ST3GAL2: variants seen among roughly 807,000 people sequenced by gnomAD.
The protein encoded by ST3GAL2 is ST3 beta-galactoside alpha-2,3-sialyltransferase 2.
ST3GAL2 carries 16 observed loss-of-function variants against 37.5 expected under a neutral mutation model. The ratio of observed to expected loss-of-function variants is 0.43; its 90% CI spans 0.29 to 0.65. ST3GAL2 has a LOEUF of 0.65. ST3GAL2 is among the 30% of genes least tolerant of loss of function. The probability of loss-of-function intolerance (pLI) is 0.17; values close to 1 mark genes in which losing one functional copy is unlikely to be tolerated. For synonymous variants in ST3GAL2, 238 were observed against 202.9 expected, an observed-to-expected ratio of 1.17 and a Z score of -1.47; for missense variants, 383 against 487.8, an observed-to-expected ratio of 0.79 and a Z score of 2.02.
Position 70,381,859 on chromosome 16 carries a change from T to A in ST3GAL2, c.883A>T (p.Asn295Tyr). 6.2e-7 allele frequency: 1 copy of A among 1,613,444 alleles called. No individual in the cohort carries two copies. Among genetic ancestry groups the A allele is most frequent in the Non-Finnish European group, 8.5e-7 (1 of 1,179,678 alleles). The change falls in exon 7 of 7, where the codon AAC becomes TAC. Residue 295 changes from asparagine to tyrosine, a missense_variant. Asn to Tyr is a moderately radical substitution (Grantham distance 143). This residue lies in a region of ST3GAL2 where 160 missense variants were observed against 248.6 expected (regional missense o/e 0.64). Transcript: ENST00000342907. ...FFALHVCDEV[N>Y]VYGFGADSRG... ...CTGTCGGCCCCGAACCCGTACACGTTCACCTGCGGGGAAGCGCAGCGGAGC... is the reference window on the plus strand; with the variant it reads ...CTGTCGGCCCCGAACCCGTACACGTACACCTGCGGGGAAGCGCAGCGGAGC...
In ST3GAL2 at chr16:70,395,077, G is replaced by A; in HGVS notation, c.438C>T (p.Pro146=). 6.2e-7 allele frequency: 1 copy of A among 1,613,990 alleles called. No homozygotes were observed. The change falls in exon 3 of 7, where the codon CCC becomes CCT. Residue 146 remains proline (P), a synonymous_variant. Transcript: ENST00000342907. ...PGENPYRFRD[P]HQCRRCAVVG... is the part of the protein sequence containing the mutation. ...CCACGGCACAGCGCCGGCACTGGTG[G>A]GGGTCCCGGAAGCGGTAGGGGTTCT...
chr16:70,384,355 G>C (rs1393915500), intron 4 of ST3GAL2, among the ~76,000 whole-genome samples: 1 of 152,136 alleles, frequency 6.6e-6, no homozygotes, highest in Admixed American at 6.6e-5. Context: ...GCTAAGTAAA[G>C]TAAGTCAGAC....
chr16:70,394,569 G>A (rs1395291580), intron 3 of ST3GAL2, among the ~76,000 whole-genome samples: 1 of 152,084 alleles, frequency 6.6e-6, no homozygotes, highest in Non-Finnish European at 1.5e-5. Context: ...GTAGACACAG[G>A]GTTTCGCCAT....
intron 4 of ST3GAL2, among the ~76,000 whole-genome samples, chr16:70,387,016 G>A (rs149012361): frequency 5.3e-5 from 8 of 152,050 alleles, no homozygotes; most frequent in South Asian, 2.1e-4. Context: ...CACTTCGGGA[G>A]GCCAAGGTGA....
intron 1 of ST3GAL2, among the ~76,000 whole-genome samples, chr16:70,423,367 G>T (rs1047904387): frequency 2.0e-5 from 3 of 152,138 alleles, no homozygotes; most frequent in Non-Finnish European, 2.9e-5. Flanking sequence ...AAAATTAGCT[G>T]GGCGTGGTGG....
intron 1 of ST3GAL2, among the ~76,000 whole-genome samples, chr16:70,423,577 C>G (rs2047730345): frequency 1.3e-5 from 2 of 152,274 alleles, no homozygotes; most frequent in South Asian, 4.1e-4. Flanking sequence ...TTCAGACAAC[C>G]TGGGTTCTTG....
intron 1 of ST3GAL2, among the ~76,000 whole-genome samples, chr16:70,433,454 T>C (rs1265678777): frequency 6.6e-6 from 1 of 152,164 alleles, no homozygotes; most frequent in Admixed American, 6.5e-5. Context: ...GTGTGTATTT[T>C]CTCTCCTTCT....
intron 1 of ST3GAL2, among the ~76,000 whole-genome samples, chr16:70,413,232 A>G (rs2047651332): frequency 6.7e-6 from 1 of 149,608 alleles, no homozygotes; most frequent in Non-Finnish European, 1.5e-5. Context: ...CCTGGGCAAC[A>G]AGAGTGAAAC....
At chr16:70,426,790 G>C (rs1451349272) in intron 1 of ST3GAL2, among the ~76,000 whole-genome samples, 1 of 152,166 alleles carries the variant, frequency 6.6e-6, no homozygotes, top group Non-Finnish European at 1.5e-5. Flanking sequence ...AATTATAGGC[G>C]TGAGCCACCG....
intron 1 of ST3GAL2, among the ~76,000 whole-genome samples, chr16:70,427,462 C>T (rs1429036714): frequency 6.6e-6 from 1 of 151,978 alleles, no homozygotes; most frequent in Non-Finnish European, 1.5e-5. Flanking sequence ...CCTCAGCCTC[C>T]CAAGTAGCTG....
intron 1 of ST3GAL2, among the ~76,000 whole-genome samples, chr16:70,430,087 G>C (rs539353925): frequency 6.6e-6 from 1 of 152,338 alleles, no homozygotes; most frequent in East Asian, 1.9e-4. Context: ...AAACAGACCT[G>C]CCCTGATGCT....
At position 70,382,020 on chromosome 16, in the gene ST3GAL2, A is replaced by G. The variant is rs576825923; in HGVS notation, c.880-158T>C. The stretch of plus-strand genomic sequence containing the variant: ...GGACATGGACTCACATGGGGACACC[A>G]CCTTCCCTTTGCAGCCCTTGCAAAT... On this transcript the variant is annotated intron_variant, in intron 6 of 6. Transcript: ENST00000342907. Among the ~76,000 whole-genome samples, 115 of 145,910 alleles carry G rather than the reference A, an allele frequency of 7.9e-4. No homozygotes were observed. In the South Asian group the frequency reaches 8.1e-3, roughly 10 times the overall value.
At chr16:70,412,027 C>T (rs980568656) in intron 1 of ST3GAL2, among the ~76,000 whole-genome samples, 6 of 152,036 alleles carry the variant, frequency 3.9e-5, no homozygotes, top group Non-Finnish European at 5.9e-5. Context: ...TTCAATTTAC[C>T]AACATAATGC....
At chr16:70,385,380 G>A (rs1437546659) in intron 4 of ST3GAL2, among the ~76,000 whole-genome samples, 1 of 152,164 alleles carries the variant, frequency 6.6e-6, no homozygotes, top group Non-Finnish European at 1.5e-5. Context: ...CTGGGGTTGA[G>A]GGGAGAATGG....
intron 4 of ST3GAL2, among the ~76,000 whole-genome samples, chr16:70,384,975 C>G (rs2047432250): frequency 6.6e-6 from 1 of 150,688 alleles, no homozygotes; most frequent in African/African-American, 2.4e-5. Flanking sequence ...TGCCATTGCA[C>G]TACATGCTGG....
rs552660387 is a variant in ST3GAL2 at position 70,379,217 on chromosome 16, A to T, written c.*2472T>A. ...AGGCCAAAGTGGTTACAGGACAGCC[A>T]CTGCGAGGAGCTGCTACCAGGAATC... On this transcript the variant is annotated 3_prime_UTR_variant, in exon 7 of 7. Transcript: ENST00000342907. 1 of 152,328 alleles carries T rather than the reference A, an allele frequency of 6.6e-6. No individual in the cohort carries two copies. The highest frequency in any genetic ancestry group is 2.4e-5 in the African/African-American group (1 of 41,574). 9.4% of individuals were successfully genotyped at this position (152,328 alleles called of 1,614,324 possible). A position where few individuals can be genotyped will look rare whatever the true frequency, so the allele number is the denominator to read the frequency against.
chr16:70,398,130 G>A (rs973953208), intron 2 of ST3GAL2, 62 bp downstream of exon 2: 1 of 1,546,016 alleles, frequency 6.5e-7, no homozygotes, highest in Admixed American at 1.8e-5. Flanking sequence ...AAATCCAAGA[G>A]GGGGCTCTGA....
intron 1 of ST3GAL2, among the ~76,000 whole-genome samples, chr16:70,432,584 T>C (rs1162800507): frequency 3.3e-5 from 5 of 152,196 alleles, no homozygotes; most frequent in Non-Finnish European, 5.9e-5. Context: ...GTTAGGGACA[T>C]AGGCAGGGGT....
At chr16:70,435,210 G>T (rs1032877845) in intron 1 of ST3GAL2, among the ~76,000 whole-genome samples, 2 of 152,142 alleles carry the variant, frequency 1.3e-5, no homozygotes, top group Admixed American at 6.6e-5. Flanking sequence ...ACCAATCCTG[G>T]GCAACATCAG....
Sources: allele counts gnomAD v4.1 joint callset (sites outside exome capture counted in the v4.1 genomes callset), GRCh38; gene constraint gnomAD v4.1.1; regional missense constraint gnomAD v4.1.1; transcripts MANE v1.5; gene names NCBI Gene and HGNC (gene_info 2026-07-23, HGNC 2026-07-21).